The following CCDC171 variants were observed in gnomAD, a reference collection of about 807,000 sequenced individuals.
CCDC171 encodes coiled-coil domain containing 171, also known as coiled-coil domain-containing protein 171.
CCDC171 carries 177 observed loss-of-function variants against 168.2 expected under a neutral mutation model. That is an observed-to-expected ratio of 1.05 (90% CI 0.93 to 1.19). The LOEUF (loss-of-function observed/expected upper bound fraction) is 1.19. Among genes scored for constraint, CCDC171 ranks in the 50% most tolerant of loss-of-function variants. The probability of loss-of-function intolerance (pLI) is 0.00; values close to 1 mark genes in which losing one functional copy is unlikely to be tolerated. For missense variants in CCDC171, 1,991 were observed against 1,539.0 expected (o/e 1.29, Z -4.91); for synonymous variants, 687 against 540.8 (o/e 1.27, Z -3.75).
At chr9:15,709,698 G>A (rs1315903192) in intron 11 of CCDC171, among the ~76,000 whole-genome samples, 1 of 152,058 alleles carries the variant, frequency 6.6e-6, no homozygotes, top group Non-Finnish European at 1.5e-5. Context: ...GGAAAAATGT[G>A]TTACCTATAA....
In CCDC171 at chr9:15,989,743, G is replaced by A. The variant is rs1832123492; in HGVS notation, n.369-30846G>A. ...TAGAGAAGTCCTTAAATGACCTGAT[G>A]GAGCTGAAAACCCTGGCACGAGAAC... On this transcript the variant is annotated intron_variant and non_coding_transcript_variant, in intron 3 of 9. Coordinates refer to the CCDC171 transcript ENST00000486641. 2.6e-5 allele frequency among the ~76,000 whole-genome samples: 4 copies of A among 152,054 alleles called. No homozygotes were observed. In the South Asian group the frequency reaches 8.3e-4, roughly 32 times the overall value.
intron 3 of CCDC171, among the ~76,000 whole-genome samples, chr9:16,017,016 C>G (rs528820632): frequency 6.6e-6 from 1 of 152,218 alleles, no homozygotes; most frequent in East Asian, 1.9e-4. Context: ...GTTAAAGGGC[C>G]TTCTCAATAA....
intron 3 of CCDC171, among the ~76,000 whole-genome samples, chr9:16,009,459 T>A (rs2987096): frequency 0.57 from 86,052 of 152,044 alleles, 24,575 homozygotes; most frequent in East Asian, 0.66. Flanking sequence ...TAATTATTTT[T>A]CTAATAAAAA....
chr9:15,881,504 A>G (rs1015738634), intron 24 of CCDC171, among the ~76,000 whole-genome samples: 1 of 152,164 alleles, frequency 6.6e-6, no homozygotes, highest in African/African-American at 2.4e-5. Context: ...TCTTCTAGCT[A>G]TTTAAAAATA....
chr9:16,086,028 C>CAGAAGGAACGGT, the CCDC171 span, among the ~76,000 whole-genome samples: 1 of 151,812 alleles, frequency 6.6e-6, no homozygotes, highest in Admixed American at 6.6e-5. Context: ...GGAATAGTTT[C>CAGAAGGAACGGT]ACCAGCTCCT....
intron 7 of CCDC171, among the ~76,000 whole-genome samples, chr9:15,639,600 T>A (rs2046441852): frequency 6.6e-6 from 1 of 152,112 alleles, no homozygotes. Flanking sequence ...ATTACAGTGT[T>A]CTCCAGTTTA....
chr9:15,719,741 A>G (rs7040704), intron 11 of CCDC171, among the ~76,000 whole-genome samples: 4,047 of 152,276 alleles, frequency 0.027, 207 homozygotes, highest in African/African-American at 0.092. Context: ...TCATATTAAG[A>G]TGATTTTATT....
chr9:15,609,595 G>A lies in CCDC171; in HGVS notation c.676-13672G>A, dbSNP rs139999826. Among the ~76,000 whole-genome samples, 20 of 152,138 alleles carry A rather than the reference G, an allele frequency of 1.3e-4. 1 individual carries two copies. The highest frequency in any genetic ancestry group is 4.3e-4 in the African/African-American group (18 of 41,498). Reference sequence around the variant, plus strand: ...TTATTCAATTGTCTGTTCTTTTACCGCATATTGATTTATAGTGTCATTTCC... The same window carrying A: ...TTATTCAATTGTCTGTTCTTTTACCACATATTGATTTATAGTGTCATTTCC... On this transcript the variant is annotated intron_variant, in intron 6 of 25. Coordinates refer to ENST00000380701, the MANE Select transcript of CCDC171 (RefSeq NM_173550.4).
At chr9:15,689,182 A>C (rs937396425) in intron 10 of CCDC171, among the ~76,000 whole-genome samples, 1 of 152,204 alleles carries the variant, frequency 6.6e-6, no homozygotes, top group Non-Finnish European at 1.5e-5. Flanking sequence ...GTCTGCTGAA[A>C]ACTGCAATTT....
the CCDC171 span, among the ~76,000 whole-genome samples, chr9:16,068,682 T>C: frequency 1.3e-5 from 2 of 152,140 alleles, no homozygotes; most frequent in African/African-American, 4.8e-5. Flanking sequence ...TAAATCACAG[T>C]GCCTGGCACG....
chr9:15,644,999 G>C (rs1380722803), intron 7 of CCDC171, among the ~76,000 whole-genome samples: 2 of 152,234 alleles, frequency 1.3e-5, no homozygotes, highest in Non-Finnish European at 2.9e-5. Context: ...CCCTAGTAGG[G>C]GCAGACTGAT....
intron 6 of CCDC171, among the ~76,000 whole-genome samples, chr9:16,026,854 A>G (rs1221832035): frequency 6.6e-6 from 1 of 152,180 alleles, no homozygotes; most frequent in Non-Finnish European, 1.5e-5. Flanking sequence ...GCATAACACA[A>G]TTATGTGTAT....
chr9:15,896,656 C>A (rs749972681), intron 24 of CCDC171, among the ~76,000 whole-genome samples: 1 of 152,064 alleles, frequency 6.6e-6, no homozygotes, highest in African/African-American at 2.4e-5. Context: ...TGACCTGATA[C>A]ATTTGCTATC....
chr9:16,018,117 C>T (rs952246383), intron 3 of CCDC171, among the ~76,000 whole-genome samples: 4 of 152,126 alleles, frequency 2.6e-5, no homozygotes, highest in African/African-American at 9.7e-5. Context: ...CCTGAGAAGG[C>T]AGGTAGAATA....
intron 16 of CCDC171, among the ~76,000 whole-genome samples, chr9:15,737,028 A>G (rs1237504957): frequency 6.6e-6 from 1 of 152,006 alleles, no homozygotes; most frequent in East Asian, 1.9e-4. Flanking sequence ...ATAGTGCTAC[A>G]TTGTCAGCCA....
chr9:15,930,789 G>C (rs574006170), intron 25 of CCDC171, among the ~76,000 whole-genome samples: 2 of 151,732 alleles, frequency 1.3e-5, no homozygotes, highest in Admixed American at 1.3e-4. Flanking sequence ...CTATTTATAA[G>C]AGCTAAAACT....
intron 7 of CCDC171, among the ~76,000 whole-genome samples, chr9:15,634,144 G>C (rs1358969607): frequency 6.6e-6 from 1 of 151,942 alleles, no homozygotes; most frequent in Non-Finnish European, 1.5e-5. Context: ...CCTGCATATT[G>C]TGTACATGTA....
intron 10 of CCDC171, among the ~76,000 whole-genome samples, chr9:15,692,452 A>G (rs532097941): frequency 4.6e-5 from 7 of 152,030 alleles, no homozygotes; most frequent in Non-Finnish European, 5.9e-5. Flanking sequence ...TTGATGATAG[A>G]AAAAGGTTCT....
At chr9:16,020,135 A>C (rs985599517) in intron 3 of CCDC171, among the ~76,000 whole-genome samples, 2 of 152,206 alleles carry the variant, frequency 1.3e-5, no homozygotes, top group Non-Finnish European at 2.9e-5. Flanking sequence ...GAGCATCGAC[A>C]TGATGCCATA....
Sources: allele counts gnomAD v4.1 joint callset (sites outside exome capture counted in the v4.1 genomes callset), GRCh38; gene constraint gnomAD v4.1.1; transcripts MANE v1.5; gene names NCBI Gene and HGNC (gene_info 2026-07-23, HGNC 2026-07-21).